GOLT1A: variants seen among roughly 807,000 people sequenced by gnomAD.
GOLT1A encodes the protein vesicle transport protein GOT1A.
GOLT1A carries 10 observed loss-of-function variants against 16.1 expected under a neutral mutation model. The ratio of observed to expected loss-of-function variants is 0.62; its 90% confidence interval spans 0.38 to 1.05. The LOEUF is 1.05. GOLT1A is among the 50% of genes least tolerant of loss of function. GOLT1A has a pLI of 0.01. For missense variants in GOLT1A, 137 were observed against 165.7 expected (o/e 0.83, Z 0.95); for synonymous variants, 60 against 67.9 (o/e 0.88, Z 0.57).
chr1:204,199,482 T>C (rs1354725131), intron 3 of GOLT1A, among the ~76,000 whole-genome samples: 1 of 152,202 alleles, frequency 6.6e-6, no homozygotes, highest in Non-Finnish European at 1.5e-5. Context: ...TACCACTTAC[T>C]GGCACCATAT....
intron 4 of GOLT1A, 125 bp from the exon 5 acceptor site, chr1:204,198,621 G>C: frequency 1.2e-6 from 1 of 853,136 alleles, no homozygotes; most frequent in Middle Eastern, 2.5e-4. Flanking sequence ...GGGCTGTAGG[G>C]GCTGTGTCCA....
intron 4 of GOLT1A, 140 bp from the exon 5 acceptor site, chr1:204,198,636 G>A: frequency 2.7e-6 from 2 of 754,558 alleles, no homozygotes; most frequent in Non-Finnish European, 4.4e-6. Context: ...TGTCCAGCTG[G>A]CGGTTGTGGT....
rs763340767 is a variant in GOLT1A at position 204,213,864 on chromosome 1, C to T, written c.25+18G>A. 6.2e-7 allele frequency: 1 copy of T among 1,612,442 alleles called. No individual in the cohort carries two copies. The highest frequency in any genetic ancestry group is 8.5e-7 in the Non-Finnish European group (1 of 1,179,600). On this transcript the variant is annotated intron_variant, in intron 1 of 4. Transcript: ENST00000308302. ...CCTGGCCTGGATAGCCCATTGCAGCCCCGCTCATCCCACTTACTCTGCCAT... is the reference window on the plus strand; with the variant it reads ...CCTGGCCTGGATAGCCCATTGCAGCTCCGCTCATCCCACTTACTCTGCCAT...
Position 204,205,872 on chromosome 1 carries a change from C to T in GOLT1A, c.26-2885G>A, listed in dbSNP as rs537065487. ...ATCACTTGAAGTCAGGAGTTCAAGG[C>T]CAGCCTGGCCAACATGGTGAAACCC... On this transcript the variant is annotated intron_variant, in intron 1 of 4. Transcript: ENST00000308302. Among the ~76,000 whole-genome samples the T allele has an allele frequency of 9.8e-5, 15 of 152,300 alleles. No homozygotes were observed. The East Asian group carries it at 2.9e-3, about 29-fold the overall frequency.
intron 1 of GOLT1A, among the ~76,000 whole-genome samples, chr1:204,206,473 T>G (rs1659040888): frequency 6.6e-6 from 1 of 152,266 alleles, no homozygotes; most frequent in Non-Finnish European, 1.5e-5. Context: ...TAGAGTTACA[T>G]CTACCTGAAT....
intron 1 of GOLT1A, among the ~76,000 whole-genome samples, chr1:204,208,062 A>G (rs936782513): frequency 6.6e-6 from 1 of 152,192 alleles, no homozygotes; most frequent in Non-Finnish European, 1.5e-5. Context: ...GCTGGTGGGA[A>G]TGTAAACTAG....
Position 204,199,270 on chromosome 1 carries a change from G to T in GOLT1A, c.297-12C>A. On this transcript the variant is annotated splice_polypyrimidine_tract_variant and intron_variant, in intron 3 of 4. Transcript: ENST00000308302. ...CAGGGAAAAAGCCCCTAGGAGCAGA[G>T]GGGAGAAGGGAGGAGTCAGTGATGG... 1.3e-6 allele frequency: 2 copies of T among 1,596,340 alleles called. No homozygotes were observed. Among genetic ancestry groups the T allele is most frequent in the Non-Finnish European group, 1.7e-6 (2 of 1,171,718 alleles).
intron 1 of GOLT1A, among the ~76,000 whole-genome samples, chr1:204,212,689 T>G (rs1213289743): frequency 6.9e-6 from 1 of 145,478 alleles, no homozygotes; most frequent in Admixed American, 6.9e-5. Flanking sequence ...CCTTCATACC[T>G]CCACAGTCTA....
chr1:204,201,906 T>G, intron 2 of GOLT1A, 95 bp from the exon 3 acceptor site: 1 of 1,119,018 alleles, frequency 8.9e-7, no homozygotes, highest in Non-Finnish European at 1.3e-6. Context: ...TGGGACAGGA[T>G]GTGCTAACTG....
chr1:204,208,491 T>TAATATA (rs1363088150), intron 1 of GOLT1A, among the ~76,000 whole-genome samples: 3 of 87,974 alleles, frequency 3.4e-5, no homozygotes, highest in African/African-American at 7.4e-5. Flanking sequence ...TATATATATA[T>TAATATA]ATATATATAT....
chr1:204,199,327 G>T, intron 3 of GOLT1A, 69 bp from the exon 4 acceptor site: 1 of 1,248,560 alleles, frequency 8.0e-7, no homozygotes, highest in Non-Finnish European at 1.2e-6. Context: ...GCACGAGGCT[G>T]AGGTCCACTG....
At chr1:204,200,320 TG>T in intron 3 of GOLT1A, among the ~76,000 whole-genome samples, 1 of 116,514 alleles carries the variant, frequency 8.6e-6, no homozygotes, top group Non-Finnish European at 1.6e-5. Flanking sequence ...TATATATATA[TG>T]TTTTTGTTTT....
chr1:204,200,882 T>TATA (rs1557984802), intron 3 of GOLT1A, among the ~76,000 whole-genome samples: 1 of 152,166 alleles, frequency 6.6e-6, no homozygotes, highest in African/African-American at 2.4e-5. Context: ...CACACCACCG[T>TATA]GTAGACATAT....
At chr1:204,208,166 C>T (rs537665170) in intron 1 of GOLT1A, among the ~76,000 whole-genome samples, 21 of 151,940 alleles carry the variant, frequency 1.4e-4, no homozygotes, top group East Asian at 3.9e-4. Flanking sequence ...GGTATCTCCC[C>T]GGAGGAAAAT....
chr1:204,213,817 G>T (rs1198153773), intron 1 of GOLT1A, 65 bp downstream of exon 1: 4 of 1,570,452 alleles, frequency 2.5e-6, no homozygotes, highest in African/African-American at 2.7e-5. Context: ...CCAGCTGGGA[G>T]AGAGAGCCAG....
intron 1 of GOLT1A, among the ~76,000 whole-genome samples, chr1:204,212,811 C>G (rs1016304597): frequency 4.6e-5 from 7 of 152,228 alleles, no homozygotes; most frequent in African/African-American, 1.4e-4. Context: ...TGTCCTGACC[C>G]CTCAGTGACA....
intron 4 of GOLT1A, among the ~76,000 whole-genome samples, 178 bp from the exon 5 acceptor site, chr1:204,198,674 G>A (rs938661443): frequency 1.2e-4 from 18 of 152,162 alleles, no homozygotes; most frequent in African/African-American, 4.1e-4. Context: ...GTCTCCCTGG[G>A]CTCCTCAGAG....
At chr1:204,200,299 G>GTATATATACATATATATATATATATA (rs1658933090) in intron 3 of GOLT1A, among the ~76,000 whole-genome samples, 1 of 82,684 alleles carries the variant, frequency 1.2e-5, no homozygotes. Flanking sequence ...ACATATATGT[G>GTATATATACATATATATATATATATA]TATATATATA....
intron 3 of GOLT1A, among the ~76,000 whole-genome samples, chr1:204,201,269 T>G (rs1033580070): frequency 4.6e-5 from 7 of 152,142 alleles, no homozygotes; most frequent in Non-Finnish European, 8.8e-5. Context: ...AATCCTATAG[T>G]GGGTTGTTGT....
Sources: allele counts gnomAD v4.1 joint callset (sites outside exome capture counted in the v4.1 genomes callset), GRCh38; gene constraint gnomAD v4.1.1; transcripts MANE v1.5; gene names NCBI Gene and HGNC (gene_info 2026-07-23, HGNC 2026-07-21).